Variants in LAMC1 observed in about 807,000 individuals in gnomAD.
LAMC1 encodes the protein laminin subunit gamma 1.
In LAMC1, 38 loss-of-function variants were observed where a neutral mutation model predicts 173.6. The ratio of observed to expected loss-of-function variants is 0.22; its 90% CI spans 0.17 to 0.29. The LOEUF (loss-of-function observed/expected upper bound fraction) is 0.29, where lower values mean the gene tolerates loss of function less well. Among genes scored for constraint, LAMC1 ranks in the 10% least tolerant of loss-of-function variants. The pLI, the probability that LAMC1 is intolerant of heterozygous loss-of-function variation, is 1.00. For synonymous variants in LAMC1, 746 were observed against 749.1 expected (o/e 1.00, Z 0.07); for missense variants, 1,824 against 2,051.8 (o/e 0.89, Z 2.14).
chr1:183,061,005 G>A (rs763448661), intron 1 of LAMC1, among the ~76,000 whole-genome samples: 1 of 152,160 alleles, frequency 6.6e-6, no homozygotes, highest in Non-Finnish European at 1.5e-5. Flanking sequence ...AAGTGACATG[G>A]TTAGATAGCA....
intron 1 of LAMC1, among the ~76,000 whole-genome samples, chr1:183,068,784 C>T (rs956303112): frequency 2.0e-5 from 3 of 151,866 alleles, no homozygotes; most frequent in Non-Finnish European, 2.9e-5. Flanking sequence ...CTACTAAAAA[C>T]ACAAAAAATT....
In LAMC1 at chr1:183,140,458, G is replaced by T. The variant is rs768499347; in HGVS notation, c.4528G>T (p.Val1510Phe). The T allele has an allele frequency of 1.2e-6, 2 of 1,613,678 alleles. No homozygotes were observed. The highest frequency in any genetic ancestry group is 4.5e-5 in the East Asian group (2 of 44,846). ...CAATGCCAGAAAAGCCAAAAACTCT[G>T]TTACTAGCCTCCTCAGCATTATTAA... ...EINARKAKNS[V>F]TSLLSIINDL... The change falls in exon 27 of 28, where the codon GTT becomes TTT. Residue 1510 changes from valine (V) to phenylalanine (F), a missense_variant. Coordinates refer to ENST00000258341, the MANE Select transcript of LAMC1 (RefSeq NM_002293.4).
intron 14 of LAMC1, chr1:183,125,191 A>G: frequency 1.6e-6 from 1 of 608,806 alleles, no homozygotes; most frequent in South Asian, 2.1e-5. Flanking sequence ...TTCTCACGCT[A>G]AGCCTTCAAA....
intron 1 of LAMC1, among the ~76,000 whole-genome samples, chr1:183,035,059 G>A (rs1037406245): frequency 2.0e-5 from 3 of 152,180 alleles, no homozygotes; most frequent in African/African-American, 7.2e-5. Flanking sequence ...CTCAAATTGA[G>A]GAGTAAAATG....
At chr1:183,059,409 T>C (rs1384603978) in intron 1 of LAMC1, among the ~76,000 whole-genome samples, 1 of 152,164 alleles carries the variant, frequency 6.6e-6, no homozygotes, top group Admixed American at 6.5e-5. Context: ...TAATCCCAGC[T>C]ACATGGAAGG....
chr1:183,137,925 T>C lies in LAMC1; in HGVS notation c.4473+98T>C. On this transcript the variant is annotated intron_variant, in intron 26 of 27. Coordinates refer to ENST00000258341, the MANE Select transcript of LAMC1 (RefSeq NM_002293.4). ...TGAGAAGAGTCTTTTTTATATTGAC[T>C]TCTGTTTTTCATCACATTGTCTCGT... 5 of 1,075,844 alleles carry C rather than the reference T, an allele frequency of 4.6e-6. No homozygotes were observed. The South Asian group carries it at 1.0e-4, about 22-fold the overall frequency. 66.6% of individuals were successfully genotyped at this position (1,075,844 alleles called of 1,614,324 possible).
intron 1 of LAMC1, among the ~76,000 whole-genome samples, chr1:183,091,085 C>G (rs1340009695): frequency 6.6e-6 from 1 of 152,128 alleles, no homozygotes; most frequent in Non-Finnish European, 1.5e-5. Flanking sequence ...GGAATTAAAT[C>G]TTATAAAATT....
intron 16 of LAMC1, 51 bp from the exon 17 acceptor site, chr1:183,127,175 A>G (rs1336725846): frequency 3.3e-6 from 5 of 1,532,876 alleles, no homozygotes; most frequent in Non-Finnish European, 4.5e-6. Context: ...ATTAAGAGAT[A>G]TACTCTTCCT....
At chr1:183,092,555 T>G (rs1655591641) in intron 1 of LAMC1, among the ~76,000 whole-genome samples, 2 of 152,128 alleles carry the variant, frequency 1.3e-5, no homozygotes, top group African/African-American at 4.8e-5. Flanking sequence ...GTCTGGGACC[T>G]TATTGTGGGC....
chr1:183,103,966 G>A (rs1319044083), intron 2 of LAMC1, among the ~76,000 whole-genome samples: 3 of 108,774 alleles, frequency 2.8e-5, no homozygotes, highest in African/African-American at 8.5e-5. Context: ...ACCTTTTGAA[G>A]AGAACATTTG....
intron 1 of LAMC1, among the ~76,000 whole-genome samples, chr1:183,071,257 T>C (rs1420149383): frequency 1.3e-5 from 2 of 152,160 alleles, no homozygotes; most frequent in African/African-American, 4.8e-5. Context: ...TGTATGGATG[T>C]TTTGTCTACA....
At chr1:183,114,768 C>G (rs780732108) in intron 5 of LAMC1, 49 bp downstream of exon 5, 1 of 1,554,076 alleles carries the variant, frequency 6.4e-7, no homozygotes, top group Non-Finnish European at 8.8e-7. Flanking sequence ...GTTCCGTGGA[C>G]CCCCGGAAAG....
chr1:183,124,551 A>T (rs934454478), intron 13 of LAMC1, 80 bp from the exon 14 acceptor site: 13 of 1,519,886 alleles, frequency 8.6e-6, no homozygotes, highest in African/African-American at 1.4e-5. Context: ...ATTACACTAG[A>T]TTACCTGTAG....
intron 27 of LAMC1, chr1:183,140,754 C>A: frequency 3.9e-6 from 1 of 256,958 alleles, no homozygotes; most frequent in Middle Eastern, 1.3e-3. Flanking sequence ...TATTTGTCAG[C>A]TTTACAGTGT....
At chr1:183,101,129 A>C (rs1389349353) in intron 1 of LAMC1, among the ~76,000 whole-genome samples, 1 of 152,156 alleles carries the variant, frequency 6.6e-6, no homozygotes, top group Admixed American at 6.5e-5. Flanking sequence ...TTGCTAAAGA[A>C]CAATGAGATA....
chr1:183,077,782 A>ATATATATATATATATATATATATG (rs1655156551), intron 1 of LAMC1, among the ~76,000 whole-genome samples: 5 of 101,954 alleles, frequency 4.9e-5, no homozygotes, highest in African/African-American at 1.5e-4. Flanking sequence ...TTGTGTATAT[A>ATATATATATATATATATATATATG]TATATATATA....
intron 1 of LAMC1, among the ~76,000 whole-genome samples, chr1:183,061,571 G>A (rs998773207): frequency 6.6e-6 from 1 of 151,986 alleles, no homozygotes; most frequent in Admixed American, 6.6e-5. Flanking sequence ...TTTTTAAAAA[G>A]TGCTTATATC....
At chr1:183,099,337 G>T (rs1558047423) in intron 1 of LAMC1, among the ~76,000 whole-genome samples, 1 of 152,068 alleles carries the variant, frequency 6.6e-6, no homozygotes, top group Admixed American at 6.6e-5. Context: ...TGATCTGCCT[G>T]CCTCGGCCTC....
chr1:183,135,466 GT>G (rs575612718), intron 24 of LAMC1, among the ~76,000 whole-genome samples: 8 of 150,562 alleles, frequency 5.3e-5, no homozygotes, highest in East Asian at 1.9e-4. Flanking sequence ...CTTTGTTGTT[GT>G]TTTTTTTTCT....
Sources: gnomAD v4.1 joint callset for allele counts (sites outside exome capture counted in the v4.1 genomes callset) on GRCh38, gnomAD v4.1.1 for gene constraint, MANE v1.5 for transcripts, NCBI Gene and HGNC (gene_info 2026-07-23, HGNC 2026-07-21) for gene names.